COBL: variants seen among roughly 807,000 people sequenced by gnomAD.
COBL encodes protein cordon-bleu.
A neutral mutation model predicts 98.8 loss-of-function variants in COBL; 51 were observed. The observed-to-expected ratio is 0.52, with a 90% CI of 0.41 to 0.65. COBL has a LOEUF of 0.65. Among genes scored for constraint, COBL ranks in the 30% least tolerant of loss-of-function variants. The pLI is 0.00. For synonymous variants in COBL, 634 were observed against 651.7 expected, an observed-to-expected ratio of 0.97 and a Z score of 0.41; for missense variants, 1,617 against 1,617.5, an observed-to-expected ratio of 1.00 and a Z score of 0.01.
chr7:51,197,510 G>T (rs1326303280), intron 2 of COBL, among the ~76,000 whole-genome samples: 1 of 152,134 alleles, frequency 6.6e-6, no homozygotes, highest in Non-Finnish European at 1.5e-5. Context: ...AGGATGAAAA[G>T]TTCTGTAGCT....
chr7:51,056,608 A>T (rs550973993), intron 7 of COBL, among the ~76,000 whole-genome samples: 18 of 152,198 alleles, frequency 1.2e-4, no homozygotes, highest in Non-Finnish European at 2.5e-4. Context: ...GACTGTGAAG[A>T]TGACTAATTT....
intron 1 of COBL, among the ~76,000 whole-genome samples, chr7:51,311,536 G>C (rs1803038457): frequency 6.6e-6 from 1 of 152,130 alleles, no homozygotes; most frequent in Non-Finnish European, 1.5e-5. Context: ...AAGTATACAA[G>C]AGGAAAAAAG....
chr7:51,078,528 G>C (rs1304427170), intron 7 of COBL, among the ~76,000 whole-genome samples: 1 of 152,252 alleles, frequency 6.6e-6, no homozygotes, highest in African/African-American at 2.4e-5. Context: ...AACTGTTGAA[G>C]TAGGTTTGAG....
intron 6 of COBL, among the ~76,000 whole-genome samples, chr7:51,133,134 G>A (rs115982880): frequency 6.6e-6 from 1 of 152,108 alleles, no homozygotes; most frequent in Non-Finnish European, 1.5e-5. Flanking sequence ...TCTCTACACA[G>A]CACGATGGTG....
chr7:51,050,462 C>T (rs558709272), intron 7 of COBL, among the ~76,000 whole-genome samples: 1 of 152,198 alleles, frequency 6.6e-6, no homozygotes, highest in Non-Finnish European at 1.5e-5. Flanking sequence ...GAATTCTGTC[C>T]TCTTGCAGGT....
intron 7 of COBL, among the ~76,000 whole-genome samples, chr7:51,059,143 A>G (rs1481013502): frequency 1.3e-5 from 2 of 152,238 alleles, no homozygotes; most frequent in Non-Finnish European, 2.9e-5. Flanking sequence ...GAACTGGAAA[A>G]ACTGGGTAAA....
At chr7:51,094,136 AAATACT>A (rs1174485316) in intron 6 of COBL, among the ~76,000 whole-genome samples, 1 of 152,066 alleles carries the variant, frequency 6.6e-6, no homozygotes, top group Non-Finnish European at 1.5e-5. Context: ...ACAAAGAGAC[AAATACT>A]GTATGTTCTC....
intron 12 of COBL, among the ~76,000 whole-genome samples, chr7:51,023,617 T>C (rs1295590603): frequency 6.6e-6 from 1 of 152,204 alleles, no homozygotes; most frequent in Non-Finnish European, 1.5e-5. Context: ...GACCTCTGGG[T>C]GTCCACAGGG....
At chr7:51,055,161 C>T (rs1375519978) in intron 7 of COBL, among the ~76,000 whole-genome samples, 1 of 152,194 alleles carries the variant, frequency 6.6e-6, no homozygotes, top group Admixed American at 6.5e-5. Context: ...CTTATCTTCC[C>T]GCAAGGGCGG....
chr7:51,017,577 AAG>A lies in COBL; in HGVS notation c.3769-11_3769-10del, dbSNP rs1477902398. On this transcript the variant is annotated splice_polypyrimidine_tract_variant and intron_variant, in intron 12 of 12. Transcript: ENST00000265136. ...CACACGAGCAAGGGCACCTGCAGGG[AAG>A]AGAGATTCACAGTTATTTGGTATGT... The A allele has an allele frequency of 1.2e-6, 2 of 1,613,860 alleles. No individual in the cohort carries two copies. Among genetic ancestry groups the A allele is most frequent in the Admixed American group, 3.3e-5 (2 of 60,008 alleles).
At chr7:51,137,099 C>G (rs1338700960) in intron 5 of COBL, among the ~76,000 whole-genome samples, 2 of 152,182 alleles carry the variant, frequency 1.3e-5, no homozygotes, top group African/African-American at 4.8e-5. Flanking sequence ...TAACTTCAAA[C>G]TGAAAACAAG....
intron 8 of COBL, 148 bp from the exon 9 acceptor site, chr7:51,031,057 G>A (rs368772186): frequency 4.5e-5 from 29 of 637,490 alleles, no homozygotes; most frequent in African/African-American, 2.2e-4. Context: ...TCAGAACTAC[G>A]GAGACGCAGA....
chr7:51,200,393 T>C (rs1168787954), intron 2 of COBL, among the ~76,000 whole-genome samples: 2 of 152,206 alleles, frequency 1.3e-5, no homozygotes, highest in African/African-American at 2.4e-5. Context: ...GTATACAAAT[T>C]AGAAGGCAAG....
intron 7 of COBL, among the ~76,000 whole-genome samples, chr7:51,080,121 T>A (rs1374764645): frequency 6.6e-6 from 1 of 152,100 alleles, no homozygotes; most frequent in African/African-American, 2.4e-5. Flanking sequence ...TATGAGTGGG[T>A]CAAGACCTTA....
intron 7 of COBL, among the ~76,000 whole-genome samples, chr7:51,058,554 A>AAACAACAAC (rs57660073): frequency 0.086 from 12,838 of 150,076 alleles, 614 homozygotes; most frequent in South Asian, 0.12. Flanking sequence ...CCATGTCTCA[A>AAACAACAAC]AACAACAACA....
intron 1 of COBL, among the ~76,000 whole-genome samples, chr7:51,312,101 A>T (rs1803109761): frequency 6.6e-6 from 1 of 152,080 alleles, no homozygotes. Flanking sequence ...AGGCGGGCGG[A>T]TCACAAGGTT....
chr7:51,157,955 G>T (rs1020673987), intron 5 of COBL, among the ~76,000 whole-genome samples: 5 of 152,114 alleles, frequency 3.3e-5, no homozygotes, highest in Non-Finnish European at 7.4e-5. Flanking sequence ...TACAAAATAT[G>T]CTCTGTGTTG....
intron 1 of COBL, among the ~76,000 whole-genome samples, chr7:51,313,986 A>T (rs1446211610): frequency 6.6e-6 from 1 of 152,248 alleles, no homozygotes; most frequent in Non-Finnish European, 1.5e-5. Flanking sequence ...GAGTCAAGGA[A>T]GTCATACATC....
intron 1 of COBL, among the ~76,000 whole-genome samples, chr7:51,257,862 T>C (rs1797342687): frequency 6.6e-6 from 1 of 152,184 alleles, no homozygotes; most frequent in African/African-American, 2.4e-5. Flanking sequence ...CAGATTTTGA[T>C]GAAATCTTCC....
Sources: gnomAD v4.1 joint callset for allele counts (sites outside exome capture counted in the v4.1 genomes callset) on GRCh38, gnomAD v4.1.1 for gene constraint, MANE v1.5 for transcripts, NCBI Gene and HGNC (gene_info 2026-07-23, HGNC 2026-07-21) for gene names.